DNM3: variants seen among roughly 807,000 people sequenced by gnomAD.
DNM3 encodes the protein dynamin-3.
A neutral mutation model predicts 101.6 loss-of-function variants in DNM3; 47 were observed. The observed-to-expected ratio is 0.46, with a 90% CI of 0.37 to 0.59. The LOEUF is 0.59. DNM3 is among the 20% of genes least tolerant of loss of function. DNM3 has a pLI of 0.00. For synonymous variants in DNM3, 385 were observed against 387.9 expected, an observed-to-expected ratio of 0.99 and a Z score of 0.09; for missense variants, 849 against 1,085.7, an observed-to-expected ratio of 0.78 and a Z score of 3.06.
intron 2 of DNM3, among the ~76,000 whole-genome samples, chr1:171,951,927 G>A (rs529951068): frequency 2.6e-5 from 4 of 152,280 alleles, no homozygotes; most frequent in South Asian, 4.1e-4. Flanking sequence ...CATTGGTTCA[G>A]CCTAAAAAGG....
At chr1:171,982,243 T>C (rs1421786575) in intron 2 of DNM3, among the ~76,000 whole-genome samples, 1 of 152,170 alleles carries the variant, frequency 6.6e-6, no homozygotes, top group Non-Finnish European at 1.5e-5. Flanking sequence ...GACACACATT[T>C]AGCAGCTATT....
At chr1:171,971,495 A>G (rs2043989229) in intron 2 of DNM3, among the ~76,000 whole-genome samples, 1 of 152,136 alleles carries the variant, frequency 6.6e-6, no homozygotes, top group Non-Finnish European at 1.5e-5. Context: ...AAGTTCTTCA[A>G]TTATGAAATA....
At chr1:171,991,495 C>A (rs2045627581) in intron 4 of DNM3, among the ~76,000 whole-genome samples, 1 of 152,112 alleles carries the variant, frequency 6.6e-6, no homozygotes, top group South Asian at 2.1e-4. Flanking sequence ...ATGCATAGGG[C>A]AATGTATGAG....
At chr1:171,906,152 G>C (rs1403278881) in intron 1 of DNM3, among the ~76,000 whole-genome samples, 1 of 145,848 alleles carries the variant, frequency 6.9e-6, no homozygotes, top group Non-Finnish European at 1.5e-5. Flanking sequence ...TTTTGAGATA[G>C]GGTCTCCTTC....
At chr1:172,029,832 A>G (rs1353746191) in intron 4 of DNM3, among the ~76,000 whole-genome samples, 2 of 152,292 alleles carry the variant, frequency 1.3e-5, no homozygotes, top group African/African-American at 4.8e-5. Context: ...TAAAATACCT[A>G]GGAATCCAAC....
At chr1:171,985,163 A>G (rs1424642866) in intron 2 of DNM3, among the ~76,000 whole-genome samples, 2 of 152,196 alleles carry the variant, frequency 1.3e-5, no homozygotes, top group Admixed American at 6.5e-5. Context: ...TATGAACTCT[A>G]TGACAGAACA....
chr1:171,982,605 G>A (rs771661045), intron 2 of DNM3, among the ~76,000 whole-genome samples: 2 of 151,936 alleles, frequency 1.3e-5, no homozygotes, highest in Non-Finnish European at 2.9e-5. Context: ...TGTCATCCCT[G>A]CTGTGATTAC....
At chr1:172,272,356 A>G (rs1044360370) in intron 15 of DNM3, among the ~76,000 whole-genome samples, 4 of 152,140 alleles carry the variant, frequency 2.6e-5, no homozygotes, top group Admixed American at 2.6e-4. Context: ...TCATCAGGAT[A>G]TCCTTAAGTG....
intron 1 of DNM3, among the ~76,000 whole-genome samples, chr1:171,847,220 T>C (rs893274383): frequency 6.6e-6 from 1 of 152,214 alleles, no homozygotes; most frequent in Admixed American, 6.5e-5. Flanking sequence ...ATGAAGGTAG[T>C]CAGATATAAT....
chr1:172,027,931 C>G (rs1302609250), intron 4 of DNM3, among the ~76,000 whole-genome samples: 1 of 152,092 alleles, frequency 6.6e-6, no homozygotes, highest in Admixed American at 6.5e-5. Context: ...AAGCAAGTTC[C>G]TAGAGACCTA....
At chr1:171,868,629 C>T (rs1417893048) in intron 1 of DNM3, among the ~76,000 whole-genome samples, 1 of 152,146 alleles carries the variant, frequency 6.6e-6, no homozygotes, top group African/African-American at 2.4e-5. Context: ...AATTGGCTCT[C>T]TTCTAAGTTA....
At chr1:172,148,388 G>C (rs1446512055) in intron 14 of DNM3, among the ~76,000 whole-genome samples, 1 of 149,926 alleles carries the variant, frequency 6.7e-6, no homozygotes, top group Non-Finnish European at 1.5e-5. Flanking sequence ...TGTGGTTTCT[G>C]GTCAAATATT....
At chr1:172,369,128 G>A (rs1346501321) in intron 17 of DNM3, among the ~76,000 whole-genome samples, 1 of 151,686 alleles carries the variant, frequency 6.6e-6, no homozygotes, top group Admixed American at 6.6e-5. Context: ...CTCATTCCAT[G>A]AGGCCAGCAT....
At chr1:172,075,222 G>A (rs2052554304) in intron 11 of DNM3, among the ~76,000 whole-genome samples, 1 of 151,888 alleles carries the variant, frequency 6.6e-6, no homozygotes, top group Non-Finnish European at 1.5e-5. Flanking sequence ...CCCTTTGTCA[G>A]ATGGGTAGAT....
At chr1:172,294,345 G>T (rs977258438) in intron 15 of DNM3, among the ~76,000 whole-genome samples, 3 of 147,762 alleles carry the variant, frequency 2.0e-5, no homozygotes, top group African/African-American at 2.7e-5. Context: ...AAATGAAAAA[G>T]GTGGTTTAAA....
intron 14 of DNM3, among the ~76,000 whole-genome samples, chr1:172,208,533 A>G (rs1253293676): frequency 6.6e-6 from 1 of 152,106 alleles, no homozygotes; most frequent in East Asian, 1.9e-4. Flanking sequence ...TTCAGATTCA[A>G]GCTGCAGCAT....
chr1:171,904,585 G>T (rs1020132667), intron 1 of DNM3, among the ~76,000 whole-genome samples: 1 of 152,270 alleles, frequency 6.6e-6, no homozygotes, highest in Admixed American at 6.5e-5. Flanking sequence ...AGACATGAGG[G>T]TTTTCTTTAG....
Position 171,841,538 on chromosome 1 carries a change from G to T in DNM3, c.-119G>T. 2 of 1,393,470 alleles carry T rather than the reference G, an allele frequency of 1.4e-6. No individual in the cohort carries two copies. Among genetic ancestry groups the T allele is most frequent in the Non-Finnish European group, 1.9e-6 (2 of 1,057,236 alleles). The allele number at this position is 1,393,470 out of a possible 1,614,324, so 86.3% of individuals were successfully genotyped here. A position where few individuals can be genotyped will look rare whatever the true frequency, so the allele number is the denominator to read the frequency against. On this transcript the variant is annotated 5_prime_UTR_variant, in exon 1 of 21. Coordinates refer to ENST00000627582, the MANE Select transcript of DNM3 (RefSeq NM_015569.5). Reference sequence around the variant, plus strand: ...GCTGGCGGCGGGCTCCGACGTCTGCGCCAGGACCTGGCTGGCTGAGCCCGG... The same window carrying T: ...GCTGGCGGCGGGCTCCGACGTCTGCTCCAGGACCTGGCTGGCTGAGCCCGG...
chr1:172,302,318 A>G (rs575918838), intron 15 of DNM3, among the ~76,000 whole-genome samples: 246 of 152,290 alleles, frequency 1.6e-3, no homozygotes, highest in Non-Finnish European at 3.1e-3. Flanking sequence ...TAGCAGGGGG[A>G]GGGGTGTCCC....
Sources: gnomAD v4.1 joint callset for allele counts (sites outside exome capture counted in the v4.1 genomes callset) on GRCh38, gnomAD v4.1.1 for gene constraint, MANE v1.5 for transcripts, NCBI Gene and HGNC (gene_info 2026-07-23, HGNC 2026-07-21) for gene names.